The following ARAP2 variants were observed in gnomAD, a reference collection of about 807,000 sequenced individuals.
ARAP2 encodes ArfGAP with RhoGAP domain, ankyrin repeat and PH domain 2.
Under a neutral mutation model 194.5 loss-of-function variants are expected in ARAP2, and 148 were observed. The ratio of observed to expected loss-of-function variants is 0.76; its 90% CI spans 0.67 to 0.87. The LOEUF is 0.87. Ranked by LOEUF, ARAP2 falls within the 40% of genes least tolerant of loss-of-function variation. ARAP2 has a pLI of 0.00. For synonymous variants in ARAP2, 695 were observed against 683.5 expected (o/e 1.02, Z -0.26); for missense variants, 2,128 against 1,989.7 (o/e 1.07, Z -1.32).
intron 27 of ARAP2, among the ~76,000 whole-genome samples, chr4:36,096,878 A>G (rs1256834970): frequency 1.3e-5 from 2 of 152,148 alleles, no homozygotes; most frequent in African/African-American, 4.8e-5. Context: ...GGTTTAGAAC[A>G]AGAGAGTCAA....
At position 36,157,956 on chromosome 4, in the gene ARAP2, G is replaced by A. The variant is rs568121656; in HGVS notation, c.2752+774C>T. The stretch of plus-strand genomic sequence containing the variant: ...ACCACCTAGTGAATACTAGGCTCCC[G>A]AGCCCGATCAATGGCCACCATCAAT... On this transcript the variant is annotated intron_variant, in intron 15 of 32. Transcript: ENST00000303965. Among the ~76,000 whole-genome samples, 5 of 152,060 alleles carry A rather than the reference G, an allele frequency of 3.3e-5. No homozygotes were observed. In the South Asian group the frequency reaches 6.2e-4, roughly 19 times the overall value.
At chr4:36,243,010 T>A (rs1337079220) in intron 1 of ARAP2, among the ~76,000 whole-genome samples, 2 of 152,168 alleles carry the variant, frequency 1.3e-5, no homozygotes, top group Non-Finnish European at 2.9e-5. Context: ...TTTTTTCTTC[T>A]TTAAACGTTG....
At chr4:36,188,450 C>T (rs1300121508) in intron 7 of ARAP2, among the ~76,000 whole-genome samples, 1 of 152,064 alleles carries the variant, frequency 6.6e-6, no homozygotes, top group Non-Finnish European at 1.5e-5. Flanking sequence ...GTGAGGTATA[C>T]CTTTACAAAC....
intron 13 of ARAP2, 61 bp from the exon 14 acceptor site, chr4:36,159,566 T>C: frequency 1.5e-6 from 2 of 1,324,698 alleles, no homozygotes; most frequent in South Asian, 2.0e-5. Flanking sequence ...GCTATTAAAA[T>C]GAGTGAAAGT....
chr4:36,062,132 CAG>C (rs139433957), downstream of ARAP2, among the ~76,000 whole-genome samples: 2,337 of 152,224 alleles, frequency 0.015, 30 homozygotes, highest in Non-Finnish European at 0.021. Context: ...CTTTGCTATG[CAG>C]AAGTTTTTAA....
intron 1 of ARAP2, among the ~76,000 whole-genome samples, chr4:36,240,638 A>T (rs1753333033): frequency 6.6e-6 from 1 of 152,208 alleles, no homozygotes; most frequent in African/African-American, 2.4e-5. Context: ...ATATGCATTA[A>T]AATCTTAGAA....
At chr4:36,140,734 T>C (rs1484588859) in intron 19 of ARAP2, among the ~76,000 whole-genome samples, 2 of 151,734 alleles carry the variant, frequency 1.3e-5, no homozygotes, top group Non-Finnish European at 3.0e-5. Flanking sequence ...CTGAGAAAAG[T>C]AATCTGTTCC....
intron 31 of ARAP2, 122 bp from the exon 32 acceptor site, chr4:36,073,945 C>T: frequency 1.6e-6 from 2 of 1,259,024 alleles, no homozygotes; most frequent in Non-Finnish European, 1.1e-6. Flanking sequence ...CATGAGAATT[C>T]CATTTGTGAT....
At chr4:36,011,027 T>C (rs942247307) in intron 9 of ARAP2, among the ~76,000 whole-genome samples, 2 of 152,140 alleles carry the variant, frequency 1.3e-5, no homozygotes, top group Non-Finnish European at 2.9e-5. Flanking sequence ...GGTTTTAAGG[T>C]CAATTGTGTC....
chr4:36,160,199 C>G (rs1733592342), intron 13 of ARAP2: 1 of 1,085,306 alleles, frequency 9.2e-7, no homozygotes, highest in East Asian at 8.2e-5. Context: ...TACTGGATCC[C>G]ATTTGCTTCC....
At chr4:36,136,672 A>G (rs1410609579) in intron 19 of ARAP2, among the ~76,000 whole-genome samples, 1 of 151,860 alleles carries the variant, frequency 6.6e-6, no homozygotes, top group Non-Finnish European at 1.5e-5. Flanking sequence ...AAGGATTTAT[A>G]CAAAAATAAA....
At chr4:36,093,911 AT>A (rs1434299751) in intron 27 of ARAP2, among the ~76,000 whole-genome samples, 1 of 152,182 alleles carries the variant, frequency 6.6e-6, no homozygotes, top group Non-Finnish European at 1.5e-5. Flanking sequence ...TTTTCTAGAC[AT>A]TGCTACCTCA....
chr4:36,211,700 A>G (rs1560679735), intron 5 of ARAP2, among the ~76,000 whole-genome samples: 2 of 152,162 alleles, frequency 1.3e-5, no homozygotes, highest in African/African-American at 2.4e-5. Context: ...ACTAAAAAGT[A>G]TAATTAAACT....
At chr4:36,240,625 C>A (rs554975743) in intron 1 of ARAP2, among the ~76,000 whole-genome samples, 24 of 152,162 alleles carry the variant, frequency 1.6e-4, no homozygotes, top group Non-Finnish European at 2.5e-4. Context: ...ATGAAATGAG[C>A]GCATATGCAT....
At chr4:36,161,871 G>A (rs910499097) in intron 11 of ARAP2, among the ~76,000 whole-genome samples, 2 of 151,408 alleles carry the variant, frequency 1.3e-5, no homozygotes, top group African/African-American at 4.8e-5. Context: ...CACTTTGGAA[G>A]GCCGAGGCGG....
intron 5 of ARAP2, among the ~76,000 whole-genome samples, chr4:36,037,444 G>A (rs929533523): frequency 6.6e-6 from 1 of 152,052 alleles, no homozygotes; most frequent in Non-Finnish European, 1.5e-5. Flanking sequence ...TTCTTTCCCT[G>A]AAGAAAAAGT....
intron 14 of ARAP2, among the ~76,000 whole-genome samples, 164 bp downstream of exon 14, chr4:36,159,167 T>C (rs370148807): frequency 6.6e-6 from 1 of 152,236 alleles, no homozygotes; most frequent in African/African-American, 2.4e-5. Context: ...AAACTTTTCA[T>C]TGAAATGATA....
intron 15 of ARAP2, among the ~76,000 whole-genome samples, chr4:36,158,388 A>G (rs541960336): frequency 2.0e-5 from 3 of 152,168 alleles, no homozygotes; most frequent in Admixed American, 1.3e-4. Context: ...ATGTGTTCAC[A>G]TTTATCTACA....
intron 31 of ARAP2, among the ~76,000 whole-genome samples, chr4:36,077,511 G>A (rs1234693767): frequency 1.3e-5 from 2 of 151,946 alleles, no homozygotes; most frequent in Non-Finnish European, 2.9e-5. Context: ...GAACTCTAGG[G>A]TATATACCAC....
Sources: allele counts gnomAD v4.1 joint callset (sites outside exome capture counted in the v4.1 genomes callset), GRCh38; gene constraint gnomAD v4.1.1; transcripts MANE v1.5; gene names NCBI Gene and HGNC (gene_info 2026-07-23, HGNC 2026-07-21).